BPIFC: variants seen among roughly 807,000 people sequenced by gnomAD.
BPIFC encodes the protein BPI fold-containing family C protein.
BPIFC carries 60 observed loss-of-function variants against 57.6 expected under a neutral mutation model. The ratio of observed to expected loss-of-function variants is 1.04; its 90% confidence interval spans 0.85 to 1.29. The LOEUF (loss-of-function observed/expected upper bound fraction) is 1.29, where lower values mean the gene tolerates loss of function less well. Ranked by LOEUF, BPIFC falls within the 50% of genes most tolerant of loss-of-function variation. BPIFC has a pLI of 0.00. For missense variants in BPIFC, 581 were observed against 600.5 expected, an observed-to-expected ratio of 0.97 and a Z score of 0.34; for synonymous variants, 243 against 224.5, an observed-to-expected ratio of 1.08 and a Z score of -0.74.
intron 13 of BPIFC, among the ~76,000 whole-genome samples, chr22:32,426,463 G>C (rs1934069780): frequency 6.6e-6 from 1 of 152,104 alleles, no homozygotes; most frequent in Admixed American, 6.5e-5. Context: ...CTTTAAACCT[G>C]AGTGAGGCCC....
In BPIFC at chr22:32,424,622, C is replaced by T. The variant is rs1460908919; in HGVS notation, c.1218-5218G>A. Reference sequence around the variant, plus strand: ...TCTTCTCCTCCTCCTCCTCCTCCTCCTCCTCCTCTTCTTCTTCTTCTCTTC... The same window carrying T: ...TCTTCTCCTCCTCCTCCTCCTCCTCTTCCTCCTCTTCTTCTTCTTCTCTTC... On this transcript the variant is annotated intron_variant, in intron 13 of 16. Coordinates refer to ENST00000300399, the MANE Select transcript of BPIFC (RefSeq NM_174932.3). Among the ~76,000 whole-genome samples, 289 of 56,968 alleles carry T rather than the reference C, an allele frequency of 5.1e-3. 52 individuals are homozygous for T. The highest frequency in any genetic ancestry group is 0.024 in the East Asian group (67 of 2,846). 37.4% of individuals were successfully genotyped at this position (56,968 alleles called of 152,430 possible).
intron 4 of BPIFC, among the ~76,000 whole-genome samples, chr22:32,452,646 A>C (rs1934927233): frequency 6.6e-6 from 1 of 152,036 alleles, no homozygotes; most frequent in South Asian, 2.1e-4. Context: ...TCAAAAAAAA[A>C]AAAAACACAA....
In BPIFC at chr22:32,442,700, G is replaced by T; in HGVS notation, c.626C>A (p.Ala209Glu). The T allele has an allele frequency of 6.2e-7, 1 of 1,613,954 alleles. No individual in the cohort carries two copies. Among genetic ancestry groups the T allele is most frequent in the South Asian group, 1.1e-5 (1 of 91,030 alleles). ...CAGTGTGCTGAGGTTGGCATTTAGC[G>T]CTTTGACTTCACTTGCAATAATGGG... is the stretch of plus-strand genomic sequence containing the variant. ...LCPIIASEVK[A>E]LNANLSTLEV... The change falls in exon 8 of 17, where the codon GCG becomes GAG. Residue 209 changes from alanine to glutamate, a missense_variant. Physicochemically the swap from Ala to Glu is moderately radical, Grantham distance 107. Coordinates refer to ENST00000300399, the MANE Select transcript of BPIFC (RefSeq NM_174932.3).
intron 6 of BPIFC, 56 bp downstream of exon 6, chr22:32,445,785 A>T (rs924787101): frequency 6.3e-7 from 1 of 1,592,800 alleles, no homozygotes; most frequent in Non-Finnish European, 8.5e-7. Flanking sequence ...TCCCTAGGCG[A>T]TGCCTGAGTA....
At chr22:32,445,561 A>C (rs199924294) in intron 7 of BPIFC, 74 bp downstream of exon 7, 7 of 1,410,066 alleles carry the variant, frequency 5.0e-6, no homozygotes, top group Admixed American at 2.0e-5. Flanking sequence ...ACAAACAAAA[A>C]AGAATTAATT....
intron 10 of BPIFC, among the ~76,000 whole-genome samples, chr22:32,434,766 C>G (rs576655218): frequency 6.6e-6 from 1 of 152,106 alleles, no homozygotes; most frequent in African/African-American, 2.4e-5. Flanking sequence ...CCATTCTGAA[C>G]ATAAGCTTTA....
intron 8 of BPIFC, 113 bp from the exon 9 acceptor site, chr22:32,437,964 A>G (rs1934456834): frequency 1.7e-6 from 1 of 602,166 alleles, no homozygotes; most frequent in Non-Finnish European, 2.8e-6. Context: ...TTAAAAGATC[A>G]ATTCCTGCTT....
At chr22:32,438,334 A>G (rs1446933432) in intron 8 of BPIFC, among the ~76,000 whole-genome samples, 1 of 152,240 alleles carries the variant, frequency 6.6e-6, no homozygotes, top group African/African-American at 2.4e-5. Context: ...GGACTACTGT[A>G]TATCTTTTTA....
chr22:32,463,366 C>T (rs571232413), intron 1 of BPIFC, among the ~76,000 whole-genome samples: 111 of 152,294 alleles, frequency 7.3e-4, no homozygotes, highest in African/African-American at 2.4e-3. Context: ...TTTGTTGCTT[C>T]TGGGGAATTG....
chr22:32,456,663 G>C (rs1935046039), intron 3 of BPIFC, among the ~76,000 whole-genome samples: 1 of 152,040 alleles, frequency 6.6e-6, no homozygotes, highest in Admixed American at 6.6e-5. Context: ...CATATACTTT[G>C]ATTTTTGCAG....
intron 7 of BPIFC, 138 bp downstream of exon 7, chr22:32,445,497 A>T: frequency 3.4e-6 from 3 of 892,062 alleles, no homozygotes; most frequent in Non-Finnish European, 5.3e-6. Context: ...AGATCGTGCC[A>T]CTGCACTCCA....
intron 16 of BPIFC, among the ~76,000 whole-genome samples, chr22:32,415,130 C>CT (rs1263183586): frequency 6.6e-6 from 1 of 152,230 alleles, no homozygotes; most frequent in Admixed American, 6.5e-5. Flanking sequence ...AGCGTGCAAC[C>CT]TAAATCCCTT....
chr22:32,456,734 A>G (rs1031390188), intron 3 of BPIFC, among the ~76,000 whole-genome samples: 1 of 151,986 alleles, frequency 6.6e-6, no homozygotes, highest in African/African-American at 2.4e-5. Context: ...TCACATCCCA[A>G]CGTTTGTCTC....
At chr22:32,445,596 T>C (rs200857557) in intron 7 of BPIFC, 39 bp downstream of exon 7, 508 of 1,506,428 alleles carry the variant, frequency 3.4e-4, no homozygotes, top group Non-Finnish European at 4.3e-4. Flanking sequence ...CTTCTACTAA[T>C]GGCATTTTAC....
Position 32,435,837 on chromosome 22 carries a change from G to C in BPIFC, c.791C>G (p.Ser264Ter). The C allele has an allele frequency of 6.2e-7, 1 of 1,614,176 alleles. No individual in the cohort carries two copies. The highest frequency in any genetic ancestry group is 1.1e-5 in the South Asian group (1 of 91,072). The change falls in exon 10 of 17, where the codon TCA (serine) becomes TGA (stop). Residue 264 changes from serine to a stop codon, truncating the protein, a stop_gained. Transcript: ENST00000300399. LOFTEE classifies it high-confidence loss of function. ...PLENLTDPPF[S>*]PVPFVLPERS... ...TTCTGGGAGCACAAAAGGAACTGGT[G>C]AGAAGGGGGGGTCGGTGAGGTTTTC...
chr22:32,437,738 A>G (rs754989246), intron 9 of BPIFC, 22 bp downstream of exon 9: 1 of 1,521,426 alleles, frequency 6.6e-7, no homozygotes, highest in South Asian at 1.1e-5. Flanking sequence ...CAGGCTGAGG[A>G]TTCTGATGAT....
chr22:32,421,689 C>T (rs1399364573), intron 13 of BPIFC, among the ~76,000 whole-genome samples: 1 of 152,190 alleles, frequency 6.6e-6, no homozygotes, highest in South Asian at 2.1e-4. Flanking sequence ...TGTGTCAGCA[C>T]TGGGACAGGT....
In BPIFC at chr22:32,449,367, T is replaced by C. The variant is rs559510235; in HGVS notation, c.246-2027A>G. Reference sequence around the variant, plus strand: ...TTACTGCACCCAAGAAAGGGATTGTTGTGAATGAAGATGAAGAAAAATTTA... The same window carrying C: ...TTACTGCACCCAAGAAAGGGATTGTCGTGAATGAAGATGAAGAAAAATTTA... On this transcript the variant is annotated intron_variant, in intron 4 of 16. Coordinates refer to ENST00000300399, the MANE Select transcript of BPIFC (RefSeq NM_174932.3). 9.8e-5 allele frequency among the ~76,000 whole-genome samples: 15 copies of C among 152,336 alleles called. No individual in the cohort carries two copies. The East Asian group carries it at 2.9e-3, about 29-fold the overall frequency.
intron 8 of BPIFC, among the ~76,000 whole-genome samples, chr22:32,440,683 T>C (rs1934541053): frequency 6.6e-6 from 1 of 152,194 alleles, no homozygotes; most frequent in African/African-American, 2.4e-5. Flanking sequence ...TTCCAATTGC[T>C]TAGGGTTTTA....
Sources: allele counts gnomAD v4.1 joint callset (sites outside exome capture counted in the v4.1 genomes callset), GRCh38; gene constraint gnomAD v4.1.1; transcripts MANE v1.5; gene names NCBI Gene and HGNC (gene_info 2026-07-23, HGNC 2026-07-21).